BAHCC1: variants seen among roughly 807,000 people sequenced by gnomAD.
The protein encoded by BAHCC1 is BAH domain and coiled-coil containing 1, also known as BAH and coiled-coil domain-containing protein 1.
A neutral mutation model predicts 88.2 loss-of-function variants in BAHCC1; 43 were observed. The ratio of observed to expected loss-of-function variants is 0.49; its 90% confidence interval spans 0.38 to 0.63. BAHCC1 has a LOEUF of 0.63. Among genes scored for constraint, BAHCC1 ranks in the 20% least tolerant of loss-of-function variants. The probability of loss-of-function intolerance (pLI) is 0.00; values close to 1 mark genes in which losing one functional copy is unlikely to be tolerated. For synonymous variants in BAHCC1, 1,510 were observed against 745.5 expected (o/e 2.03, Z -16.71); for missense variants, 3,023 against 1,654.8 (o/e 1.83, Z -14.34).
At chr17:81,455,050 G>A (rs1886198245) in intron 14 of BAHCC1, among the ~76,000 whole-genome samples, 1 of 152,240 alleles carries the variant, frequency 6.6e-6, no homozygotes, top group African/African-American at 2.4e-5. Flanking sequence ...GAGGGCCGGT[G>A]GTTGGCAGGC....
intron 10 of BAHCC1, among the ~76,000 whole-genome samples, chr17:81,446,467 G>T (rs115601514): frequency 4.5e-4 from 68 of 150,626 alleles, no homozygotes; most frequent in African/African-American, 1.4e-3. Flanking sequence ...AGGGTTGTTG[G>T]GGGGAGCTTC....
rs782452747 is a variant in BAHCC1, at chr17:81,452,123, CG to C, written c.4316+23del. 2.0e-5 allele frequency: 12 copies of C among 605,142 alleles called. No homozygotes were observed. The highest frequency in any genetic ancestry group is 5.7e-5 in the Admixed American group (2 of 34,836). 37.5% of individuals were successfully genotyped at this position (605,142 alleles called of 1,614,324 possible). On this transcript the variant is annotated intron_variant, in intron 13 of 27. Transcript: ENST00000675386. Reference sequence around the variant, plus strand: ...ACGACCATGAGTACGCCTGGCGTGGCGGGGGGGCCTGGGAGGGTCGCAGCAC... The same window carrying C: ...ACGACCATGAGTACGCCTGGCGTGGCGGGGGGCCTGGGAGGGTCGCAGCAC...
At position 81,442,696 on chromosome 17, in the gene BAHCC1, G is replaced by C; in HGVS notation, c.1347G>C (p.Lys449Asn). ...VSYAHLKAEG[K>N]GERRPGGFEA... ...ATGCCCACCTGAAGGCCGAGGGCAA[G>C]GGCGAGCGGCGGCCTGGGGGCTTTG... Residue 449 changes from lysine (K) to asparagine (N), a missense_variant, in exon 5 of 28, where the codon AAG becomes AAC. Transcript: ENST00000675386. 1.3e-6 allele frequency: 1 copy of C among 774,418 alleles called. No homozygotes were observed. The allele number at this position is 774,418 out of a possible 1,614,324, so 48.0% of individuals were successfully genotyped here.
chr17:81,439,587 A>C (rs2143493865), intron 4 of BAHCC1, among the ~76,000 whole-genome samples: 1 of 150,996 alleles, frequency 6.6e-6, no homozygotes, highest in African/African-American at 2.4e-5. Context: ...GGTTGTCCCG[A>C]CTGTGGAGAG....
chr17:81,462,543 G>T (rs1355442724), intron 26 of BAHCC1, 197 bp from the exon 27 acceptor site: 2 of 580,184 alleles, frequency 3.4e-6, no homozygotes, highest in Non-Finnish European at 3.0e-6. Context: ...CTCCGTGGAG[G>T]CGTGGCCCCT....
Position 81,446,132 on chromosome 17 carries a change from C to T in BAHCC1, c.3163+451C>T, listed in dbSNP as rs990468512. Reference sequence around the variant, plus strand: ...CTGGCCTCGGCCCCTGCCACCCGCCCATCCACTCCCCACCAGCCTATTTGA... The same window carrying T: ...CTGGCCTCGGCCCCTGCCACCCGCCTATCCACTCCCCACCAGCCTATTTGA... On this transcript the variant is annotated intron_variant, in intron 10 of 27. Coordinates refer to ENST00000675386, the MANE Select transcript of BAHCC1 (RefSeq NM_001377448.1). 2.0e-5 allele frequency among the ~76,000 whole-genome samples: 3 copies of T among 152,010 alleles called. No individual in the cohort carries two copies. The East Asian group carries it at 5.9e-4, about 30-fold the overall frequency.
At chr17:81,460,482 T>G in intron 24 of BAHCC1, 48 bp from the exon 25 acceptor site, 1 of 726,830 alleles carries the variant, frequency 1.4e-6, no homozygotes, top group Non-Finnish European at 2.6e-6. Context: ...GGGGTGGCAG[T>G]CACCCCACAG....
chr17:81,455,269 C>G lies in BAHCC1; in HGVS notation c.4448C>G (p.Ala1483Gly). The G allele has an allele frequency of 2.8e-6, 2 of 715,354 alleles. No homozygotes were observed. Among genetic ancestry groups the G allele is most frequent in the Non-Finnish European group, 5.2e-6 (2 of 385,016 alleles). The allele number at this position is 715,354 out of a possible 1,614,324, so 44.3% of individuals were successfully genotyped here. A position where few individuals can be genotyped will look rare whatever the true frequency, so the allele number is the denominator to read the frequency against. ...CACCCACCACCCCATGCCCCCAGGGCGGTGCGGACAAGCCTGGGTCTGCTG... is the reference window on the plus strand; with the variant it reads ...CACCCACCACCCCATGCCCCCAGGGGGGTGCGGACAAGCCTGGGTCTGCTG... ...LPRSDGKKVK[A>G]VRTSLGLLCA... The change falls in exon 15 of 28, where the codon GCG becomes GGG. Residue 1483 changes from alanine (A) to glycine (G), a missense_variant and splice_region_variant. Physicochemically the swap from Ala to Gly is moderately conservative, Grantham distance 60 (BLOSUM62 0). Coordinates refer to ENST00000675386, the MANE Select transcript of BAHCC1 (RefSeq NM_001377448.1).
intron 11 of BAHCC1, chr17:81,451,007 G>C (rs782657978): frequency 6.5e-6 from 1 of 153,544 alleles, no homozygotes; most frequent in Admixed American, 6.5e-5. Flanking sequence ...GCGAGTGGAC[G>C]GAAGGACTGA....
chr17:81,425,593 G>A, intron 2 of BAHCC1, among the ~76,000 whole-genome samples: 1 of 150,902 alleles, frequency 6.6e-6, no homozygotes, highest in Non-Finnish European at 1.5e-5. Flanking sequence ...TGATAGTGGT[G>A]GGTGATGTGG....
At position 81,447,245 on chromosome 17, in the gene BAHCC1, G is replaced by A. The variant is rs527355537; in HGVS notation, c.3373G>A (p.Glu1125Lys). The change falls in exon 11 of 28, where the codon GAG becomes AAG. Residue 1125 changes from glutamate to lysine, a missense_variant. Glu to Lys is a moderately conservative substitution (Grantham distance 56). Coordinates refer to ENST00000675386, the MANE Select transcript of BAHCC1 (RefSeq NM_001377448.1). ...EEPGLLSGAREATQDLAATPY... is the reference protein window; with the variant it reads ...EEPGLLSGARKATQDLAATPY... ...GCCCGGGCTGCTCTCAGGGGCCAGG[G>A]AGGCCACCCAGGACCTTGCCGCCAC... 1.8e-5 allele frequency: 13 copies of A among 720,150 alleles called. No homozygotes were observed. In the South Asian group the frequency reaches 2.0e-4, roughly 11 times the overall value. The allele number at this position is 720,150 out of a possible 1,614,324, so 44.6% of individuals were successfully genotyped here.
rs781841606 is a variant in BAHCC1, at chr17:81,452,759, G to T, written c.4353G>T (p.Gly1451=). 2.7e-6 allele frequency: 2 copies of T among 746,420 alleles called. No individual in the cohort carries two copies. The highest frequency in any genetic ancestry group is 4.9e-6 in the Non-Finnish European group (2 of 405,174). 46.2% of individuals were successfully genotyped at this position (746,420 alleles called of 1,614,324 possible). ...GTTCACGGAGCCCTGCACGGCGGGG[G>T]CCTGGCCGGCCGAGGAAGCGCAAAC... ...DESSRSPARR[G]PGRPRKRKHS... The change falls in exon 14 of 28, where the codon GGG becomes GGT. Residue 1451 remains glycine (G), a synonymous_variant. Coordinates refer to ENST00000675386, the MANE Select transcript of BAHCC1 (RefSeq NM_001377448.1).
intron 3 of BAHCC1, among the ~76,000 whole-genome samples, chr17:81,431,195 C>G (rs2064257401): frequency 1.3e-5 from 2 of 152,128 alleles, no homozygotes; most frequent in African/African-American, 4.8e-5. Context: ...CGGAGGTGTC[C>G]TATGGCTTTC....
intron 14 of BAHCC1, among the ~76,000 whole-genome samples, chr17:81,453,221 G>A (rs991584765): frequency 6.6e-6 from 1 of 152,204 alleles, no homozygotes; most frequent in Non-Finnish European, 1.5e-5. Context: ...GTATAAAGTC[G>A]TTGGTCACGC....
Position 81,462,949 on chromosome 17 carries a change from G to A in BAHCC1, c.7593G>A (p.Lys2531=), listed in dbSNP as rs782320309. 3.8e-6 allele frequency: 3 copies of A among 781,538 alleles called. No homozygotes were observed. The highest frequency in any genetic ancestry group is 3.4e-5 in the African/African-American group (2 of 59,176). The allele number at this position is 781,538 out of a possible 1,614,324, so 48.4% of individuals were successfully genotyped here. ...VKWFYHPEET[K]LGKRQCDGKN... is the part of the protein sequence containing the mutation. ...GGTTCTACCACCCTGAGGAGACCAA[G>A]CTGGGCAAGAGGCAGTGCGACGGCA... Residue 2531 remains lysine (K), a synonymous_variant, in exon 27 of 28, where the codon AAG becomes AAA. Transcript: ENST00000675386.
rs782325988 is a variant in BAHCC1 at position 81,447,010 on chromosome 17, C to T, written c.3164-26C>T. The T allele has an allele frequency of 1.0e-5, 8 of 778,260 alleles. No individual in the cohort carries two copies. In the Admixed American group the frequency reaches 1.2e-4, roughly 12 times the overall value. 48.2% of individuals were successfully genotyped at this position (778,260 alleles called of 1,614,324 possible). On this transcript the variant is annotated intron_variant, in intron 10 of 27. Coordinates refer to ENST00000675386, the MANE Select transcript of BAHCC1 (RefSeq NM_001377448.1). ...CCCCCTCACCACCACTCCCAGCTCC[C>T]TGCTGACCTGTCCCCTCCTTTGCAG...
chr17:81,451,938 C>A, intron 12 of BAHCC1, 33 bp from the exon 13 acceptor site: 2 of 628,816 alleles, frequency 3.2e-6, no homozygotes, highest in East Asian at 5.6e-5. Flanking sequence ...GGGCCCTGGC[C>A]CGGCTCACAG....
Position 81,442,496 on chromosome 17 carries a change from G to C in BAHCC1, c.1147G>C (p.Ala383Pro). The C allele has an allele frequency of 1.4e-6, 1 of 721,716 alleles. No individual in the cohort carries two copies. The highest frequency in any genetic ancestry group is 2.6e-6 in the Non-Finnish European group (1 of 390,238). The allele number at this position is 721,716 out of a possible 1,614,324, so 44.7% of individuals were successfully genotyped here. A position where few individuals can be genotyped will look rare whatever the true frequency, so the allele number is the denominator to read the frequency against. ...CGGGCTCTGCCCGCTGCAGGACAAA[G>C]CCCCCCGGGACCTAAAGGCCAGCGG... is the stretch of plus-strand genomic sequence containing the variant. Reference protein sequence around the residue: ...PDGLCPLQDKAPRDLKASGPT... With the variant: ...PDGLCPLQDKPPRDLKASGPT... The change falls in exon 5 of 28, where the codon GCC (alanine) becomes CCC (proline). Residue 383 changes from alanine (A) to proline (P), a missense_variant. Ala to Pro is a conservative substitution (Grantham distance 27). Transcript: ENST00000675386.
At chr17:81,422,686 C>T (rs1387675142) in intron 2 of BAHCC1, 4 of 350,870 alleles carry the variant, frequency 1.1e-5, no homozygotes, top group African/African-American at 2.3e-5. Flanking sequence ...GAGTGTCCTG[C>T]CCCCACCTGA....
Sources: allele counts gnomAD v4.1 joint callset (sites outside exome capture counted in the v4.1 genomes callset), GRCh38; gene constraint gnomAD v4.1.1; transcripts MANE v1.5; gene names NCBI Gene and HGNC (gene_info 2026-07-23, HGNC 2026-07-21).